Variants in ADGRL3 observed in about 807,000 individuals in gnomAD.
ADGRL3 encodes adhesion G protein-coupled receptor L3.
ADGRL3 carries 62 observed loss-of-function variants against 153.5 expected under a neutral mutation model. That is an observed-to-expected ratio of 0.40 (90% confidence interval 0.33 to 0.50). ADGRL3 has a LOEUF of 0.50. ADGRL3 is among the 20% of genes least tolerant of loss of function. ADGRL3 has a pLI of 0.47. For synonymous variants in ADGRL3, 710 were observed against 672.5 expected (o/e 1.06, Z -0.86); for missense variants, 1,641 against 1,859.4 (o/e 0.88, Z 2.16).
intron 1 of ADGRL3, among the ~76,000 whole-genome samples, chr4:61,374,910 A>T (rs1017927720): frequency 6.6e-6 from 1 of 152,058 alleles, no homozygotes; most frequent in African/African-American, 2.4e-5. Flanking sequence ...GATTTTTGGA[A>T]AAAGCTTATC....
At chr4:61,861,740 G>A (rs116663381) in intron 9 of ADGRL3, among the ~76,000 whole-genome samples, 1,533 of 152,064 alleles carry the variant, frequency 0.01, 17 homozygotes, top group Middle Eastern at 0.041. Context: ...CCATGTCTAC[G>A]GACACAGCCA....
chr4:61,515,438 A>ATT (rs11408970), intron 3 of ADGRL3, among the ~76,000 whole-genome samples: 2 of 151,890 alleles, frequency 1.3e-5, no homozygotes, highest in African/African-American at 4.8e-5. Context: ...TTTATATGGT[A>ATT]TTTTTTCTCT....
rs1432534833 is a variant in ADGRL3, at chr4:61,392,167, C to T, written c.-174+8978C>T. ...TACAGGCGTGAGCCCCCCTGCCCGG[C>T]CAAAATGCTACTTTTATGATATTTT... On this transcript the variant is annotated intron_variant, in intron 2 of 26. Transcript: ENST00000683033. 2.6e-5 allele frequency among the ~76,000 whole-genome samples: 4 copies of T among 151,584 alleles called. No homozygotes were observed. In the East Asian group the frequency reaches 7.9e-4, roughly 30 times the overall value.
intron 25 of ADGRL3, among the ~76,000 whole-genome samples, chr4:62,055,809 A>C (rs1736707865): frequency 6.6e-6 from 1 of 151,890 alleles, no homozygotes; most frequent in Non-Finnish European, 1.5e-5. Context: ...GCTACACCAA[A>C]AAGCTAAAAA....
chr4:61,355,418 T>C (rs527631583), intron 1 of ADGRL3, among the ~76,000 whole-genome samples: 1 of 152,222 alleles, frequency 6.6e-6, no homozygotes, highest in Non-Finnish European at 1.5e-5. Context: ...TTAATGGTAA[T>C]GCATTATTCA....
chr4:61,545,110 T>G (rs1378060562), intron 4 of ADGRL3, among the ~76,000 whole-genome samples: 1 of 152,226 alleles, frequency 6.6e-6, no homozygotes, highest in Non-Finnish European at 1.5e-5. Flanking sequence ...TTTCCTTTAC[T>G]TCTCCTCCTG....
chr4:61,304,415 A>G (rs897282112), intron 1 of ADGRL3, among the ~76,000 whole-genome samples: 2 of 152,220 alleles, frequency 1.3e-5, no homozygotes, highest in African/African-American at 4.8e-5. Context: ...AGGTTATGCT[A>G]CTAAAAAACA....
chr4:61,358,671 G>C (rs2096233565), intron 1 of ADGRL3, among the ~76,000 whole-genome samples: 2 of 151,120 alleles, frequency 1.3e-5, no homozygotes, highest in African/African-American at 4.9e-5. Context: ...GTCTCCTGGG[G>C]CATCCCACTT....
intron 5 of ADGRL3, among the ~76,000 whole-genome samples, chr4:61,671,855 CT>C (rs1251587614): frequency 6.6e-6 from 1 of 152,148 alleles, no homozygotes; most frequent in Non-Finnish European, 1.5e-5. Flanking sequence ...GGCCACTGTT[CT>C]GGACTCCACT....
At chr4:61,588,511 G>T (rs1238768891) in intron 5 of ADGRL3, among the ~76,000 whole-genome samples, 3 of 151,870 alleles carry the variant, frequency 2.0e-5, no homozygotes, top group Non-Finnish European at 4.4e-5. Context: ...TCAGGTTTTT[G>T]ATGATTAAAG....
At chr4:61,375,297 C>T (rs1456528426) in intron 1 of ADGRL3, among the ~76,000 whole-genome samples, 1 of 152,040 alleles carries the variant, frequency 6.6e-6, no homozygotes, top group Non-Finnish European at 1.5e-5. Context: ...AGAGAAAGTA[C>T]AGTTTTGTGA....
At chr4:61,511,217 G>A (rs150713917) in intron 3 of ADGRL3, among the ~76,000 whole-genome samples, 120 of 152,150 alleles carry the variant, frequency 7.9e-4, no homozygotes, top group African/African-American at 2.7e-3. Context: ...AAAATTAGCC[G>A]GACATGGTGG....
chr4:61,290,916 A>G (rs2094152986), intron 1 of ADGRL3, among the ~76,000 whole-genome samples: 5 of 152,040 alleles, frequency 3.3e-5, no homozygotes, highest in South Asian at 4.1e-4. Flanking sequence ...CTATAAATGC[A>G]AAATATTAAA....
At chr4:61,507,645 A>G (rs551112424) in intron 3 of ADGRL3, among the ~76,000 whole-genome samples, 7 of 152,270 alleles carry the variant, frequency 4.6e-5, no homozygotes, top group African/African-American at 1.4e-4. Flanking sequence ...GGACTTTAAA[A>G]CAGATTGAGT....
intron 9 of ADGRL3, among the ~76,000 whole-genome samples, chr4:61,836,230 A>T (rs2097932781): frequency 6.6e-6 from 1 of 152,162 alleles, no homozygotes; most frequent in Non-Finnish European, 1.5e-5. Flanking sequence ...AACTAGAAAA[A>T]CTATTATATT....
chr4:61,328,202 G>T (rs1397006810), intron 1 of ADGRL3, among the ~76,000 whole-genome samples: 3 of 152,264 alleles, frequency 2.0e-5, no homozygotes, highest in Non-Finnish European at 4.4e-5. Context: ...AATTAAATCT[G>T]TGGAGACCCC....
chr4:61,221,517 AT>A (rs1156643238), intron 1 of ADGRL3, among the ~76,000 whole-genome samples: 4 of 151,938 alleles, frequency 2.6e-5, no homozygotes, highest in African/African-American at 9.7e-5. Context: ...AGTTGAAAAT[AT>A]TTTTTTTGAA....
intron 9 of ADGRL3, among the ~76,000 whole-genome samples, chr4:61,862,708 C>T (rs896743025): frequency 3.9e-5 from 6 of 152,100 alleles, no homozygotes; most frequent in Admixed American, 2.6e-4. Flanking sequence ...TGTTAGAACT[C>T]CAGATTCATG....
intron 9 of ADGRL3, among the ~76,000 whole-genome samples, chr4:61,814,266 T>C (rs2097663746): frequency 1.3e-5 from 2 of 151,808 alleles, no homozygotes; most frequent in Non-Finnish European, 2.9e-5. Context: ...ATCTAAATCA[T>C]ATTGACAGAT....
Sources: allele counts gnomAD v4.1 joint callset (sites outside exome capture counted in the v4.1 genomes callset), GRCh38; gene constraint gnomAD v4.1.1; transcripts MANE v1.5; gene names NCBI Gene and HGNC (gene_info 2026-07-23, HGNC 2026-07-21).